KCND3: variants seen among roughly 807,000 people sequenced by gnomAD.
KCND3 encodes the protein potassium voltage-gated channel subfamily D member 3.
Under a neutral mutation model 51.1 loss-of-function variants are expected in KCND3, and 9 were observed. The observed-to-expected ratio is 0.18, with a 90% confidence interval of 0.11 to 0.31. The LOEUF is 0.31. KCND3 is among the 10% of genes least tolerant of loss of function. KCND3 has a pLI of 1.00. For missense variants in KCND3, 526 were observed against 903.8 expected (o/e 0.58, Z 5.36); for synonymous variants, 349 against 368.0 (o/e 0.95, Z 0.59).
chr1:111,957,737 T>A (rs1259601860), intron 2 of KCND3, among the ~76,000 whole-genome samples: 3 of 152,168 alleles, frequency 2.0e-5, no homozygotes, highest in Non-Finnish European at 4.4e-5. Flanking sequence ...GTGGGCCAGA[T>A]CTGTCCCATC....
chr1:111,952,380 T>C (rs1047781666), intron 2 of KCND3, among the ~76,000 whole-genome samples: 2 of 152,120 alleles, frequency 1.3e-5, no homozygotes, highest in African/African-American at 4.8e-5. Flanking sequence ...CACTCTCCCA[T>C]GTAGGGTCTA....
At chr1:111,986,385 T>C (rs1488042156) in intron 1 of KCND3, among the ~76,000 whole-genome samples, 2 of 152,224 alleles carry the variant, frequency 1.3e-5, no homozygotes, top group Non-Finnish European at 2.9e-5. Context: ...AAACAGACCA[T>C]TGATCACCTC....
chr1:111,778,434 A>G lies in KCND3; in HGVS notation c.1518+2T>C. On this transcript the variant is annotated splice_donor_variant, in intron 6 of 7. Coordinates refer to ENST00000302127, the MANE Select transcript of KCND3 (RefSeq NM_001378969.1). LOFTEE classifies it high-confidence loss of function. ...ATCAATTGAATTTTTAAAAAGTTATACCTTGATGGTGGAGGTTCGTACAGA... is the reference window on the plus strand; with the variant it reads ...ATCAATTGAATTTTTAAAAAGTTATGCCTTGATGGTGGAGGTTCGTACAGA... 6.2e-7 allele frequency: 1 copy of G among 1,612,954 alleles called. No homozygotes were observed. The highest frequency in any genetic ancestry group is 1.7e-4 in the Middle Eastern group (1 of 6,060).
chr1:111,867,201 T>C (rs1312211846), intron 2 of KCND3, among the ~76,000 whole-genome samples: 1 of 152,150 alleles, frequency 6.6e-6, no homozygotes, highest in Non-Finnish European at 1.5e-5. Flanking sequence ...ATATAAGCTC[T>C]TGCCCGTCAT....
intron 2 of KCND3, among the ~76,000 whole-genome samples, chr1:111,802,657 C>A (rs976466471): frequency 6.6e-6 from 1 of 152,208 alleles, no homozygotes; most frequent in Non-Finnish European, 1.5e-5. Context: ...TGCATGAGAG[C>A]AGGCCCGGTG....
Position 111,772,907 on chromosome 1 carries a change from C to G in KCND3, c.*3170G>C, listed in dbSNP as rs905946751. On this transcript the variant is annotated 3_prime_UTR_variant, in exon 8 of 8. Coordinates refer to ENST00000302127, the MANE Select transcript of KCND3 (RefSeq NM_001378969.1). ...TTGGCCCCCAGAAAATCCTGATATC[C>G]TGGTTTTTCAGTCACTGGCCAATGA... 1.3e-5 allele frequency: 2 copies of G among 152,188 alleles called. No individual in the cohort carries two copies. Among genetic ancestry groups the G allele is most frequent in the African/African-American group, 4.8e-5 (2 of 41,432 alleles). The allele number at this position is 152,188 out of a possible 1,614,324, so 9.4% of individuals were successfully genotyped here.
Position 111,777,187 on chromosome 1 carries a change from T to G in KCND3, c.1605A>C (p.Ser535=), listed in dbSNP as rs1571621762. The change falls in exon 7 of 8, where the codon TCA becomes TCC. Residue 535 remains serine (S), a synonymous_variant. Transcript: ENST00000302127. The part of the protein sequence containing the change: ...MQNYPSTRSP[S]LSSHPGLTTT... ...TAGTGAGGCCTGGGTGGCTGGACAG[T>G]GAGGGACTTCTTGTGGATGGGTAGT... 1 of 1,614,128 alleles carries G rather than the reference T, an allele frequency of 6.2e-7. No individual in the cohort carries two copies. The highest frequency in any genetic ancestry group is 8.5e-7 in the Non-Finnish European group (1 of 1,180,020).
Position 111,982,728 on chromosome 1 carries a change from G to T in KCND3, c.-2C>A, listed in dbSNP as rs763074483. 5 of 1,602,084 alleles carry T rather than the reference G, an allele frequency of 3.1e-6. No individual in the cohort carries two copies. Among genetic ancestry groups the T allele is most frequent in the Non-Finnish European group, 4.2e-6 (5 of 1,179,006 alleles). On this transcript the variant is annotated 5_prime_UTR_variant, in exon 2 of 8. Transcript: ENST00000302127. This position sits in a 1 kb window ranked among gnomAD's most constrained non-coding sequence, Gnocchi z 8.5. ...CCAGGCCGCAACTCCGGCCGCCATGGTGACTCCAGCTCTTGGGCCGGCAGC... is the reference window on the plus strand; with the variant it reads ...CCAGGCCGCAACTCCGGCCGCCATGTTGACTCCAGCTCTTGGGCCGGCAGC...
At chr1:111,866,579 AACACACACAC>A (rs771342858) in intron 2 of KCND3, among the ~76,000 whole-genome samples, 23 of 126,814 alleles carry the variant, frequency 1.8e-4, no homozygotes, top group East Asian at 4.5e-4. Flanking sequence ...TGTTTCTTTA[AACACACACAC>A]ACACACACAC....
At chr1:111,866,263 C>CTTTTTT (rs11399761) in intron 2 of KCND3, among the ~76,000 whole-genome samples, 428 of 54,104 alleles carry the variant, frequency 7.9e-3, no homozygotes, top group Middle Eastern at 0.013. Flanking sequence ...CTTTTCTTTT[C>CTTTTTT]TTTTTTTTTT....
At chr1:111,954,552 T>C (rs1169693325) in intron 2 of KCND3, among the ~76,000 whole-genome samples, 1 of 152,238 alleles carries the variant, frequency 6.6e-6, no homozygotes, top group Non-Finnish European at 1.5e-5. Context: ...GAAAGTGAAG[T>C]TGCTTTCTGA....
intron 2 of KCND3, among the ~76,000 whole-genome samples, chr1:111,930,409 A>C (rs1671909936): frequency 6.6e-6 from 1 of 152,262 alleles, no homozygotes; most frequent in Non-Finnish European, 1.5e-5. Context: ...GAAAGCATTC[A>C]TTCAGGTTCT....
intron 2 of KCND3, among the ~76,000 whole-genome samples, chr1:111,957,979 G>T (rs1435789500): frequency 6.6e-6 from 1 of 152,184 alleles, no homozygotes; most frequent in Non-Finnish European, 1.5e-5. Flanking sequence ...GTGAAACTTG[G>T]GGAGATCCTG....
chr1:111,969,945 C>G (rs1372396276), intron 2 of KCND3, among the ~76,000 whole-genome samples: 1 of 152,160 alleles, frequency 6.6e-6, no homozygotes, highest in Non-Finnish European at 1.5e-5. Context: ...AGCTAATGGC[C>G]TTCACTGTCT....
intron 2 of KCND3, among the ~76,000 whole-genome samples, chr1:111,954,157 C>T (rs1307538138): frequency 6.6e-6 from 1 of 152,236 alleles, no homozygotes; most frequent in African/African-American, 2.4e-5. Flanking sequence ...CTTCCCCTTG[C>T]ACCTGCAGAC....
At chr1:111,901,006 A>G (rs905749155) in intron 2 of KCND3, among the ~76,000 whole-genome samples, 1 of 152,212 alleles carries the variant, frequency 6.6e-6, no homozygotes, top group African/African-American at 2.4e-5. Context: ...TGAATAAATG[A>G]ATACAGAAGG....
At chr1:111,959,398 C>T (rs544884824) in intron 2 of KCND3, among the ~76,000 whole-genome samples, 16 of 152,308 alleles carry the variant, frequency 1.1e-4, no homozygotes, top group African/African-American at 3.8e-4. Flanking sequence ...GGCAAACAGT[C>T]CTCCCTTCCC....
chr1:111,779,013 C>T (rs181179294), intron 5 of KCND3, among the ~76,000 whole-genome samples: 3 of 152,334 alleles, frequency 2.0e-5, no homozygotes, highest in Non-Finnish European at 2.9e-5. Context: ...GGGCCTATCC[C>T]TTTGGCAAGC....
chr1:111,824,896 G>C (rs1182832405), intron 2 of KCND3, among the ~76,000 whole-genome samples: 1 of 152,136 alleles, frequency 6.6e-6, no homozygotes, highest in African/African-American at 2.4e-5. Flanking sequence ...ATTTGAGACT[G>C]ATCTCCCATT....
Sources: allele counts gnomAD v4.1 joint callset (sites outside exome capture counted in the v4.1 genomes callset), GRCh38; gene constraint gnomAD v4.1.1; non-coding constraint Gnocchi (gnomAD v3.1); transcripts MANE v1.5; gene names NCBI Gene and HGNC (gene_info 2026-07-23, HGNC 2026-07-21).